The following VPS41 variants were observed in gnomAD, a reference collection of about 807,000 sequenced individuals.
VPS41 encodes the protein VPS41 subunit of HOPS complex, also known as vacuolar protein sorting-associated protein 41 homolog.
In VPS41, 85 loss-of-function variants were observed where a neutral mutation model predicts 130.9. The observed-to-expected ratio is 0.65, with a 90% CI of 0.55 to 0.78. The LOEUF is 0.78. Ranked by LOEUF, VPS41 falls within the 30% of genes least tolerant of loss-of-function variation. The probability of loss-of-function intolerance (pLI) is 0.00; values close to 1 mark genes in which losing one functional copy is unlikely to be tolerated. For synonymous variants in VPS41, 335 were observed against 332.9 expected, an observed-to-expected ratio of 1.01 and a Z score of -0.07; for missense variants, 874 against 1,018.7, an observed-to-expected ratio of 0.86 and a Z score of 1.93.
chr7:38,886,074 C>T (rs1384192651), intron 2 of VPS41, among the ~76,000 whole-genome samples: 1 of 151,998 alleles, frequency 6.6e-6, no homozygotes, highest in African/African-American at 2.4e-5. Flanking sequence ...TCTACAGCTC[C>T]CAGCGAGACT....
intron 4 of VPS41, among the ~76,000 whole-genome samples, chr7:38,858,182 T>G (rs1030961713): frequency 1.3e-5 from 2 of 152,216 alleles, no homozygotes; most frequent in African/African-American, 4.8e-5. Context: ...CTACAGAATG[T>G]AAATTTTCCC....
chr7:38,899,246 T>C (rs1787088974), intron 1 of VPS41, among the ~76,000 whole-genome samples: 1 of 152,222 alleles, frequency 6.6e-6, no homozygotes, highest in Admixed American at 6.5e-5. Context: ...ATTATACTTG[T>C]ATCATTAACC....
intron 4 of VPS41, among the ~76,000 whole-genome samples, chr7:38,845,127 A>T (rs893115539): frequency 6.6e-6 from 1 of 152,168 alleles, no homozygotes; most frequent in Non-Finnish European, 1.5e-5. Flanking sequence ...GTTAAACTTC[A>T]TCTTCTGCCT....
At chr7:38,771,063 CT>C in intron 14 of VPS41, 134 bp downstream of exon 14, 1 of 685,702 alleles carries the variant, frequency 1.5e-6, no homozygotes. Flanking sequence ...ATATTTTGAT[CT>C]CATAGGTTAG....
chr7:38,818,009 T>A (rs1785093286), intron 6 of VPS41, 127 bp from the exon 7 acceptor site: 1 of 705,120 alleles, frequency 1.4e-6, no homozygotes, highest in African/African-American at 1.8e-5. Flanking sequence ...AAGTAATATA[T>A]TCAAATCATA....
intron 7 of VPS41, among the ~76,000 whole-genome samples, chr7:38,813,086 T>A (rs1334923737): frequency 1.3e-5 from 2 of 152,162 alleles, no homozygotes; most frequent in Non-Finnish European, 2.9e-5. Context: ...CATAGCAGCA[T>A]TATTCATAAT....
chr7:38,766,714 T>C (rs1784051705), intron 15 of VPS41, among the ~76,000 whole-genome samples: 1 of 150,838 alleles, frequency 6.6e-6, no homozygotes, highest in African/African-American at 2.5e-5. Context: ...TTCATGATAG[T>C]GAGTTAGTTC....
intron 2 of VPS41, among the ~76,000 whole-genome samples, chr7:38,888,618 G>A (rs1446515088): frequency 2.6e-5 from 4 of 152,070 alleles, no homozygotes; most frequent in African/African-American, 4.8e-5. Context: ...ACACATCAAC[G>A]AGACAGAAAA....
chr7:38,740,838 G>C (rs1345198293), intron 25 of VPS41, among the ~76,000 whole-genome samples: 2 of 152,102 alleles, frequency 1.3e-5, no homozygotes, highest in African/African-American at 2.4e-5. Context: ...TGTCCATTAG[G>C]ATGACTCAGA....
At position 38,767,029 on chromosome 7, in the gene VPS41, G is replaced by A. The variant is rs182709955; in HGVS notation, c.1247+508C>T. Among the ~76,000 whole-genome samples the A allele has an allele frequency of 3.6e-3, 550 of 152,316 alleles. 2 individuals are homozygous for A. The highest frequency in any genetic ancestry group is 5.9e-3 in the Non-Finnish European group (399 of 68,032). On this transcript the variant is annotated intron_variant, in intron 15 of 28. Coordinates refer to ENST00000310301, the MANE Select transcript of VPS41 (RefSeq NM_014396.4). ...GTCCTCTTCCGTATCACAACCCACT[G>A]CATGGGCAGGATCTCCATGCCCACC...
chr7:38,738,233 T>G (rs1027288127), intron 25 of VPS41, among the ~76,000 whole-genome samples: 3 of 152,164 alleles, frequency 2.0e-5, no homozygotes, highest in Non-Finnish European at 4.4e-5. Context: ...ATTAGCAGAT[T>G]TTTTAGAGAT....
chr7:38,756,141 A>T (rs1393418241), intron 19 of VPS41, among the ~76,000 whole-genome samples: 1 of 151,918 alleles, frequency 6.6e-6, no homozygotes, highest in Non-Finnish European at 1.5e-5. Context: ...TAAAATTTCA[A>T]TTTTTTGAAT....
At chr7:38,783,487 T>C (rs745321290) in intron 10 of VPS41, among the ~76,000 whole-genome samples, 2 of 152,094 alleles carry the variant, frequency 1.3e-5, no homozygotes, top group East Asian at 1.9e-4. Context: ...TGAGCCGAGA[T>C]TGTGCCACTG....
intron 2 of VPS41, among the ~76,000 whole-genome samples, chr7:38,888,352 T>C (rs10266279): frequency 0.93 from 141,846 of 152,168 alleles, 66,263 homozygotes; most frequent in East Asian, 1. Context: ...AAATGAAAAG[T>C]GAAAAAAAAG....
intron 2 of VPS41, among the ~76,000 whole-genome samples, chr7:38,891,515 A>G (rs1307525463): frequency 1.3e-5 from 2 of 152,224 alleles, no homozygotes; most frequent in African/African-American, 2.4e-5. Flanking sequence ...CCATAAACTA[A>G]GCATGATGTT....
At chr7:38,774,087 T>C in intron 12 of VPS41, 28 bp downstream of exon 12, 1 of 1,560,864 alleles carries the variant, frequency 6.4e-7, no homozygotes, top group African/African-American at 1.4e-5. Flanking sequence ...TAAAAAAGCA[T>C]ATCAGCCAGA....
chr7:38,812,769 A>C (rs1339038895), intron 7 of VPS41, among the ~76,000 whole-genome samples: 1 of 152,230 alleles, frequency 6.6e-6, no homozygotes, highest in Admixed American at 6.5e-5. Context: ...GCAAATGGCC[A>C]ATAAGCACAG....
intron 10 of VPS41, among the ~76,000 whole-genome samples, chr7:38,779,917 T>C (rs1056370592): frequency 2.6e-5 from 4 of 152,192 alleles, no homozygotes; most frequent in African/African-American, 9.7e-5. Flanking sequence ...AGTGGACGAA[T>C]GGAAGTTTCA....
At chr7:38,785,098 C>T (rs1044713084) in intron 10 of VPS41, among the ~76,000 whole-genome samples, 43 of 152,128 alleles carry the variant, frequency 2.8e-4, no homozygotes, top group African/African-American at 9.2e-4. Flanking sequence ...TGTCTTATTC[C>T]CAAGAGATTC....
Sources: allele counts gnomAD v4.1 joint callset (sites outside exome capture counted in the v4.1 genomes callset), GRCh38; gene constraint gnomAD v4.1.1; transcripts MANE v1.5; gene names NCBI Gene and HGNC (gene_info 2026-07-23, HGNC 2026-07-21).